Variants in ERBB4 observed in about 807,000 individuals in gnomAD.
ERBB4 encodes the protein receptor tyrosine-protein kinase erbB-4.
ERBB4 carries 42 observed loss-of-function variants against 158.0 expected under a neutral mutation model. The ratio of observed to expected loss-of-function variants is 0.27; its 90% CI spans 0.21 to 0.34. The LOEUF (loss-of-function observed/expected upper bound fraction) is 0.34. Ranked by LOEUF, ERBB4 falls within the 10% of genes least tolerant of loss-of-function variation. The pLI is 1.00. For missense variants in ERBB4, 1,333 were observed against 1,624.1 expected (o/e 0.82, Z 3.08); for synonymous variants, 583 against 558.7 (o/e 1.04, Z -0.61).
At chr2:211,432,777 T>C (rs533650894) in intron 20 of ERBB4, among the ~76,000 whole-genome samples, 9 of 115,560 alleles carry the variant, frequency 7.8e-5, no homozygotes, top group Non-Finnish European at 1.0e-4. Flanking sequence ...ACACGTACTA[T>C]ATGCTGGACT....
intron 2 of ERBB4, among the ~76,000 whole-genome samples, chr2:212,098,801 A>C (rs555459405): frequency 2.0e-5 from 3 of 152,142 alleles, no homozygotes; most frequent in Admixed American, 6.5e-5. Context: ...AATAAGGCTT[A>C]CTCTTGTAAG....
intron 20 of ERBB4, among the ~76,000 whole-genome samples, chr2:211,559,629 C>A (rs2067331800): frequency 6.6e-6 from 1 of 152,180 alleles, no homozygotes; most frequent in African/African-American, 2.4e-5. Context: ...TCTCTTAAGT[C>A]TCCCTAGTAG....
intron 2 of ERBB4, among the ~76,000 whole-genome samples, chr2:212,069,415 C>A (rs924067353): frequency 6.6e-6 from 1 of 151,974 alleles, no homozygotes; most frequent in African/African-American, 2.4e-5. Context: ...GTGAAACTAA[C>A]AACCTGAAAC....
chr2:211,940,234 A>T (rs996481200), intron 3 of ERBB4, among the ~76,000 whole-genome samples: 1 of 152,018 alleles, frequency 6.6e-6, no homozygotes, highest in Middle Eastern at 3.2e-3. Flanking sequence ...GTGGGTATTG[A>T]TATATTTACT....
chr2:211,790,852 C>T (rs1389670392), intron 3 of ERBB4, among the ~76,000 whole-genome samples: 1 of 151,830 alleles, frequency 6.6e-6, no homozygotes, highest in Non-Finnish European at 1.5e-5. Flanking sequence ...AATGTCAAAG[C>T]CTCACAGTCA....
chr2:212,245,954 T>C (rs967392686), intron 1 of ERBB4, among the ~76,000 whole-genome samples: 1 of 152,136 alleles, frequency 6.6e-6, no homozygotes, highest in Non-Finnish European at 1.5e-5. Flanking sequence ...GTGGGGGGTG[T>C]AATTTTCAAA....
chr2:211,790,753 ATGATGGGTAGTTTATTT>A (rs1295242602), intron 3 of ERBB4, among the ~76,000 whole-genome samples: 3 of 151,994 alleles, frequency 2.0e-5, no homozygotes, highest in Non-Finnish European at 4.4e-5. Flanking sequence ...TTAGCAATTA[ATGATGGGTAGTTTATTT>A]ATGTATTGTT....
At chr2:212,249,262 A>C (rs1428848230) in intron 1 of ERBB4, among the ~76,000 whole-genome samples, 1 of 151,994 alleles carries the variant, frequency 6.6e-6, no homozygotes, top group Non-Finnish European at 1.5e-5. Context: ...ATGACTAAGG[A>C]AATTGTGTAA....
At chr2:211,723,418 A>C (rs1237645745) in intron 6 of ERBB4, among the ~76,000 whole-genome samples, 2 of 152,204 alleles carry the variant, frequency 1.3e-5, no homozygotes, top group Non-Finnish European at 2.9e-5. Flanking sequence ...CTTGGAAAGC[A>C]AGCTAATACG....
chr2:211,991,017 T>C (rs2082062853), intron 2 of ERBB4, among the ~76,000 whole-genome samples: 1 of 151,962 alleles, frequency 6.6e-6, no homozygotes, highest in African/African-American at 2.4e-5. Context: ...AAAATTAGTA[T>C]ATATAAAATA....
At chr2:212,172,209 T>C (rs1243898566) in intron 1 of ERBB4, among the ~76,000 whole-genome samples, 1 of 152,142 alleles carries the variant, frequency 6.6e-6, no homozygotes. Flanking sequence ...AAAACTGTAA[T>C]GAGATACGAT....
chr2:212,379,344 A>G (rs985382565), intron 1 of ERBB4, among the ~76,000 whole-genome samples: 3 of 151,756 alleles, frequency 2.0e-5, no homozygotes, highest in African/African-American at 7.2e-5. Flanking sequence ...CCACACAGTG[A>G]TAAGAAAGAG....
chr2:212,379,798 CCT>C (rs201736821), intron 1 of ERBB4, among the ~76,000 whole-genome samples: 11 of 150,794 alleles, frequency 7.3e-5, no homozygotes, highest in Non-Finnish European at 1.5e-4. Context: ...TTCTCTCTCT[CCT>C]CTGTGTGTGT....
chr2:211,730,844 A>T (rs749961446), intron 5 of ERBB4, among the ~76,000 whole-genome samples: 11 of 152,096 alleles, frequency 7.2e-5, no homozygotes, highest in Non-Finnish European at 1.5e-4. Flanking sequence ...TCCAATATTC[A>T]GTCTAGAGTT....
chr2:212,033,419 T>G (rs866182791), intron 2 of ERBB4, among the ~76,000 whole-genome samples: 84 of 151,870 alleles, frequency 5.5e-4, no homozygotes, highest in African/African-American at 1.9e-3. Flanking sequence ...TTAAAACTGA[T>G]GATAAACAAT....
chr2:212,054,532 G>C (rs1575571980), intron 2 of ERBB4, among the ~76,000 whole-genome samples: 1 of 152,270 alleles, frequency 6.6e-6, no homozygotes, highest in South Asian at 2.1e-4. Context: ...AACTAGTGAT[G>C]GGAATATTTG....
intron 3 of ERBB4, among the ~76,000 whole-genome samples, chr2:211,858,591 AT>A (rs35111479): frequency 0.21 from 31,647 of 150,954 alleles, 3,447 homozygotes; most frequent in South Asian, 0.33. Flanking sequence ...ACAAAAAGCC[AT>A]TTTTTTTTTA....
chr2:211,834,679 G>T (rs2077301483), intron 3 of ERBB4, among the ~76,000 whole-genome samples: 1 of 152,056 alleles, frequency 6.6e-6, no homozygotes, highest in Admixed American at 6.6e-5. Context: ...ATGGAAGTGG[G>T]CCAGTACAAG....
At chr2:211,717,649 T>C (rs2073962052) in intron 7 of ERBB4, among the ~76,000 whole-genome samples, 1 of 151,440 alleles carries the variant, frequency 6.6e-6, no homozygotes, top group Non-Finnish European at 1.5e-5. Flanking sequence ...GCCAACATGG[T>C]GAAACCCAGG....
Sources: allele counts gnomAD v4.1 joint callset (sites outside exome capture counted in the v4.1 genomes callset), GRCh38; gene constraint gnomAD v4.1.1; transcripts MANE v1.5; gene names NCBI Gene and HGNC (gene_info 2026-07-23, HGNC 2026-07-21).